SLX4IP: variants seen among roughly 807,000 people sequenced by gnomAD.
SLX4IP encodes protein SLX4IP.
In SLX4IP, 34 loss-of-function variants were observed where a neutral mutation model predicts 32.9. That is an observed-to-expected ratio of 1.03 (90% confidence interval 0.79 to 1.38). The LOEUF (loss-of-function observed/expected upper bound fraction) is 1.38. SLX4IP is among the 40% of genes most tolerant of loss of function. SLX4IP has a pLI of 0.00. For synonymous variants in SLX4IP, 172 were observed against 171.7 expected (o/e 1.00, Z -0.01); for missense variants, 444 against 479.0 (o/e 0.93, Z 0.68).
intron 7 of SLX4IP, among the ~76,000 whole-genome samples, chr20:10,622,388 T>G (rs959072620): frequency 3.3e-5 from 5 of 152,230 alleles, no homozygotes; most frequent in African/African-American, 9.6e-5. Context: ...TTTACCTTAG[T>G]TAAAATGTGA....
intron 2 of SLX4IP, among the ~76,000 whole-genome samples, chr20:10,538,753 C>G (rs569554595): frequency 4.5e-4 from 69 of 152,286 alleles, no homozygotes; most frequent in African/African-American, 1.6e-3. Flanking sequence ...TCTCGAACTC[C>G]TGACCTCAAG....
intron 2 of SLX4IP, among the ~76,000 whole-genome samples, chr20:10,487,718 G>T (rs771223596): frequency 2.0e-5 from 3 of 152,156 alleles, no homozygotes; most frequent in Non-Finnish European, 2.9e-5. Context: ...TGAGATGCTC[G>T]AGAGGGCGGT....
rs769916412 is a variant in SLX4IP, at chr20:10,598,713, G to A, written c.277G>A (p.Gly93Arg). ...FQITAYFLKR[G>R]IRLRCIRSTQ... is the part of the protein sequence containing the mutation. ...AATCACAGCCTATTTCCTCAAGAGA[G>A]GGATACGCCTTCGCTGCATCAGGAG... Residue 93 changes from glycine (G) to arginine (R), a missense_variant, in exon 5 of 8, where the codon GGG (glycine) becomes AGG (arginine). Coordinates refer to ENST00000334534, the MANE Select transcript of SLX4IP (RefSeq NM_001009608.3). 2 of 1,614,158 alleles carry A rather than the reference G, an allele frequency of 1.2e-6. No individual in the cohort carries two copies. The highest frequency in any genetic ancestry group is 1.1e-5 in the South Asian group (1 of 91,088).
At chr20:10,592,586 T>G (rs2066721993) in intron 4 of SLX4IP, among the ~76,000 whole-genome samples, 2 of 149,916 alleles carry the variant, frequency 1.3e-5, no homozygotes, top group Admixed American at 6.6e-5. Flanking sequence ...TCATTTTTCC[T>G]TAATGAAATA....
intron 4 of SLX4IP, among the ~76,000 whole-genome samples, chr20:10,561,402 ATAC>A (rs2066330571): frequency 6.6e-6 from 1 of 152,078 alleles, no homozygotes; most frequent in Non-Finnish European, 1.5e-5. Flanking sequence ...TAGTCTTCTA[ATAC>A]TCACAACTCT....
Position 10,623,091 on chromosome 20 carries a change from T to A in SLX4IP, c.939T>A (p.Leu313=). 1 of 1,614,192 alleles carries A rather than the reference T, an allele frequency of 6.2e-7. No individual in the cohort carries two copies. Among genetic ancestry groups the A allele is most frequent in the Non-Finnish European group, 8.5e-7 (1 of 1,180,028 alleles). Residue 313 remains leucine, a synonymous_variant, in exon 8 of 8, where the codon CTT becomes CTA. Coordinates refer to ENST00000334534, the MANE Select transcript of SLX4IP (RefSeq NM_001009608.3). ...TCGACCACCACGGGAGAGTTTCTCT[T>A]GGAAGTGATCGATTAGTCCCGAGAG... ...EDFDHHGRVS[L]GSDRLVPREI...
intron 2 of SLX4IP, among the ~76,000 whole-genome samples, chr20:10,527,379 G>A (rs2065949049): frequency 6.6e-6 from 1 of 152,196 alleles, no homozygotes; most frequent in Non-Finnish European, 1.5e-5. Flanking sequence ...TAGTCAGAAG[G>A]CATGTTTCAT....
chr20:10,492,632 AAAG>A (rs1203521459), intron 2 of SLX4IP, among the ~76,000 whole-genome samples: 4 of 152,154 alleles, frequency 2.6e-5, no homozygotes, highest in African/African-American at 4.8e-5. Flanking sequence ...TCTTTGTTGA[AAAG>A]AAGTTTTAAA....
intron 4 of SLX4IP, among the ~76,000 whole-genome samples, chr20:10,575,577 A>T (rs2066514993): frequency 6.9e-6 from 1 of 144,142 alleles, no homozygotes; most frequent in Non-Finnish European, 1.5e-5. Context: ...GCTGCTTCTC[A>T]TAGGAGTAAC....
rs377662793 is a variant in SLX4IP, at chr20:10,586,457, G to A, written c.239-12218G>A. ...ATTTGCTAGTTGGTTATCTGCGATT[G>A]GCTGAAGCTCCATTCAAAATTAATC... is the stretch of plus-strand genomic sequence containing the variant. On this transcript the variant is annotated intron_variant, in intron 4 of 7. Coordinates refer to ENST00000334534, the MANE Select transcript of SLX4IP (RefSeq NM_001009608.3). Among the ~76,000 whole-genome samples the A allele has an allele frequency of 2.0e-5, 3 of 152,270 alleles. No individual in the cohort carries two copies. The South Asian group carries it at 6.2e-4, about 32-fold the overall frequency.
chr20:10,592,932 T>G (rs1466418220), intron 4 of SLX4IP, among the ~76,000 whole-genome samples: 1 of 152,062 alleles, frequency 6.6e-6, no homozygotes, highest in African/African-American at 2.4e-5. Flanking sequence ...GTGCCTAGCC[T>G]CTTCATCTTT....
intron 4 of SLX4IP, among the ~76,000 whole-genome samples, chr20:10,591,540 G>A (rs192368447): frequency 8.0e-4 from 122 of 152,306 alleles, no homozygotes; most frequent in African/African-American, 2.7e-3. Context: ...CAAACAAGCA[G>A]CTACCTCATT....
intron 2 of SLX4IP, among the ~76,000 whole-genome samples, chr20:10,515,376 T>G (rs779142939): frequency 1.3e-5 from 2 of 152,214 alleles, no homozygotes; most frequent in Non-Finnish European, 2.9e-5. Flanking sequence ...TGAGCCACCG[T>G]GCCAGACCTA....
At chr20:10,575,212 C>T (rs1202381255) in intron 4 of SLX4IP, among the ~76,000 whole-genome samples, 6 of 152,084 alleles carry the variant, frequency 3.9e-5, no homozygotes, top group Admixed American at 2.0e-4. Flanking sequence ...GTGATCTGTT[C>T]GGTCACAGTA....
At chr20:10,463,373 A>G (rs1441173403) in intron 2 of SLX4IP, among the ~76,000 whole-genome samples, 2 of 152,092 alleles carry the variant, frequency 1.3e-5, no homozygotes, top group Non-Finnish European at 2.9e-5. Flanking sequence ...CAGATAATAG[A>G]GCTTCAGCGG....
chr20:10,601,243 T>C (rs1033953511), intron 5 of SLX4IP, among the ~76,000 whole-genome samples: 9 of 152,198 alleles, frequency 5.9e-5, no homozygotes, highest in African/African-American at 2.2e-4. Context: ...TTCAGATTAG[T>C]AGTTTGCCCT....
chr20:10,602,285 CCTCTCTCTCT>C (rs141021766), intron 6 of SLX4IP, among the ~76,000 whole-genome samples: 2 of 147,508 alleles, frequency 1.4e-5, no homozygotes, highest in Non-Finnish European at 3.0e-5. Flanking sequence ...TCATTTTCTC[CCTCTCTCTCT>C]CTCTCTCTCT....
At chr20:10,589,669 T>A (rs1263809031) in intron 4 of SLX4IP, among the ~76,000 whole-genome samples, 1 of 152,208 alleles carries the variant, frequency 6.6e-6, no homozygotes, top group East Asian at 1.9e-4. Flanking sequence ...TTCTAAATGG[T>A]ATCATACACA....
chr20:10,562,297 C>T (rs1455991100), intron 4 of SLX4IP, among the ~76,000 whole-genome samples: 1 of 152,064 alleles, frequency 6.6e-6, no homozygotes, highest in Non-Finnish European at 1.5e-5. Context: ...GGTGGCTCTC[C>T]GCGAGGTGAA....
Sources: allele counts gnomAD v4.1 joint callset (sites outside exome capture counted in the v4.1 genomes callset), GRCh38; gene constraint gnomAD v4.1.1; transcripts MANE v1.5; gene names NCBI Gene and HGNC (gene_info 2026-07-23, HGNC 2026-07-21).